The following SUCLG2 variants were observed in gnomAD, a reference collection of about 807,000 sequenced individuals.
SUCLG2 encodes the protein succinate--CoA ligase [GDP-forming] subunit beta, mitochondrial.
A neutral mutation model predicts 47.9 loss-of-function variants in SUCLG2; 42 were observed. That is an observed-to-expected ratio of 0.88 (90% confidence interval 0.69 to 1.14). The LOEUF (loss-of-function observed/expected upper bound fraction) is 1.14. Ranked by LOEUF, SUCLG2 falls within the 50% of genes most tolerant of loss-of-function variation. SUCLG2 has a pLI of 0.00. For synonymous variants in SUCLG2, 195 were observed against 197.3 expected, an observed-to-expected ratio of 0.99 and a Z score of 0.10; for missense variants, 571 against 525.9, an observed-to-expected ratio of 1.09 and a Z score of -0.84.
rs867442442 is a variant in SUCLG2 at position 67,508,987 on chromosome 3, G to T, written c.661-84C>A. 137 of 966,392 alleles carry T rather than the reference G, an allele frequency of 1.4e-4. 1 individual carries two copies. Among genetic ancestry groups the T allele is most frequent in the Middle Eastern group, 1.1e-3 (5 of 4,544 alleles). 59.9% of individuals were successfully genotyped at this position (966,392 alleles called of 1,614,324 possible). ...CTGGATTAATGAAACCTTAAAAATAGCAAGTTATGTCTTTATTTTCAGTTA... is the reference window on the plus strand; with the variant it reads ...CTGGATTAATGAAACCTTAAAAATATCAAGTTATGTCTTTATTTTCAGTTA... On this transcript the variant is annotated intron_variant, in intron 6 of 10. Transcript: ENST00000307227.
intron 6 of SUCLG2, among the ~76,000 whole-genome samples, chr3:67,511,383 C>T (rs1024056794): frequency 3.3e-5 from 5 of 152,142 alleles, no homozygotes; most frequent in African/African-American, 1.2e-4. Flanking sequence ...ATAATTCCCA[C>T]GTGTTGCAGG....
intron 2 of SUCLG2, among the ~76,000 whole-genome samples, chr3:67,577,504 A>C (rs1707773771): frequency 6.6e-6 from 1 of 152,216 alleles, no homozygotes; most frequent in Non-Finnish European, 1.5e-5. Context: ...ATGACACAGG[A>C]GGAGAGCTGA....
intron 9 of SUCLG2, among the ~76,000 whole-genome samples, chr3:67,483,239 A>G (rs1704965095): frequency 6.6e-6 from 1 of 152,162 alleles, no homozygotes; most frequent in African/African-American, 2.4e-5. Flanking sequence ...CAAAACTTAA[A>G]AAAAAAAAAT....
intron 10 of SUCLG2, among the ~76,000 whole-genome samples, chr3:67,399,730 T>A (rs1702640772): frequency 6.6e-6 from 1 of 152,194 alleles, no homozygotes; most frequent in South Asian, 2.1e-4. Context: ...TAAAACTCCC[T>A]TAATGTGTAA....
intron 1 of SUCLG2, among the ~76,000 whole-genome samples, chr3:67,631,797 T>C (rs1005711146): frequency 3.3e-5 from 5 of 152,212 alleles, no homozygotes; most frequent in African/African-American, 9.6e-5. Context: ...ACAAACCATG[T>C]CTCATGCATT....
intron 1 of SUCLG2, among the ~76,000 whole-genome samples, chr3:67,611,055 C>T (rs996382862): frequency 6.6e-6 from 1 of 152,130 alleles, no homozygotes; most frequent in Non-Finnish European, 1.5e-5. Flanking sequence ...CTTTTGTCTC[C>T]TGATATGGAC....
chr3:67,534,786 A>T (rs1706495680), intron 2 of SUCLG2, among the ~76,000 whole-genome samples: 1 of 148,688 alleles, frequency 6.7e-6, no homozygotes, highest in Non-Finnish European at 1.5e-5. Context: ...AAAAAAAAAA[A>T]AAAAAAAAAA....
chr3:67,442,256 C>T (rs933783842), intron 9 of SUCLG2, among the ~76,000 whole-genome samples: 3 of 152,180 alleles, frequency 2.0e-5, no homozygotes, highest in African/African-American at 2.4e-5. Flanking sequence ...GTGATCCGCC[C>T]GCCTCGGCCT....
At chr3:67,387,545 C>T (rs1162817549) in intron 10 of SUCLG2, among the ~76,000 whole-genome samples, 2 of 152,136 alleles carry the variant, frequency 1.3e-5, no homozygotes, top group Admixed American at 6.5e-5. Context: ...TCATACATTT[C>T]GAGAAAAGCT....
intron 10 of SUCLG2, among the ~76,000 whole-genome samples, chr3:67,396,567 A>T (rs1356731891): frequency 6.6e-6 from 1 of 152,190 alleles, no homozygotes; most frequent in Non-Finnish European, 1.5e-5. Flanking sequence ...GACCAGATGG[A>T]TTCACAGCCG....
At chr3:67,392,316 T>C (rs933421970) in intron 10 of SUCLG2, among the ~76,000 whole-genome samples, 22 of 152,168 alleles carry the variant, frequency 1.4e-4, no homozygotes, top group Non-Finnish European at 2.5e-4. Flanking sequence ...TTCTTCATCA[T>C]CAGCTTAAAC....
rs1707664819 is a variant in SUCLG2 at position 67,573,330 on chromosome 3, T to A, written c.226+36125A>T. On this transcript the variant is annotated intron_variant, in intron 2 of 10. Transcript: ENST00000307227. ...GCAGATCCTAAAATGTATACAGAAA[T>A]GCAAAACACCTAGAATTGCCAAAAC... Among the ~76,000 whole-genome samples the A allele has an allele frequency of 2.0e-5, 3 of 152,054 alleles. 1 individual carries two copies. The highest frequency in any genetic ancestry group is 1.3e-4 in the Admixed American group (2 of 15,264).
chr3:67,481,167 T>C (rs908726279), intron 9 of SUCLG2, among the ~76,000 whole-genome samples: 1 of 152,232 alleles, frequency 6.6e-6, no homozygotes. Context: ...TACTAAAAAA[T>C]TGATATTCCT....
chr3:67,589,967 AC>A (rs1559585699), intron 2 of SUCLG2, among the ~76,000 whole-genome samples: 4 of 151,680 alleles, frequency 2.6e-5, no homozygotes, highest in Admixed American at 1.3e-4. Context: ...ACTTTAGTCT[AC>A]TTGATACAGC....
chr3:67,467,953 T>C (rs1704513812), intron 9 of SUCLG2, among the ~76,000 whole-genome samples: 1 of 152,102 alleles, frequency 6.6e-6, no homozygotes, highest in African/African-American at 2.4e-5. Flanking sequence ...ATGCATGCTG[T>C]CGAGAAATGC....
intron 7 of SUCLG2, among the ~76,000 whole-genome samples, chr3:67,502,977 G>C (rs1705539502): frequency 6.6e-6 from 1 of 152,182 alleles, no homozygotes; most frequent in Admixed American, 6.5e-5. Context: ...GATTGGTACA[G>C]AATAGCTCCA....
chr3:67,483,721 A>T (rs935018357), intron 9 of SUCLG2, among the ~76,000 whole-genome samples: 2 of 152,166 alleles, frequency 1.3e-5, no homozygotes, highest in African/African-American at 4.8e-5. Flanking sequence ...CTTTTAATCC[A>T]GTTTAGTCAT....
chr3:67,545,218 T>G (rs1217618703), intron 2 of SUCLG2, among the ~76,000 whole-genome samples: 1 of 152,184 alleles, frequency 6.6e-6, no homozygotes, highest in Non-Finnish European at 1.5e-5. Context: ...TAATTCCAAA[T>G]GCTAGAGATA....
intron 2 of SUCLG2, among the ~76,000 whole-genome samples, chr3:67,587,015 C>T (rs1445292015): frequency 1.3e-5 from 2 of 152,102 alleles, no homozygotes; most frequent in African/African-American, 2.4e-5. Context: ...TTAATGTATC[C>T]AGTCTTGAAC....
Sources: allele counts gnomAD v4.1 joint callset (sites outside exome capture counted in the v4.1 genomes callset), GRCh38; gene constraint gnomAD v4.1.1; transcripts MANE v1.5; gene names NCBI Gene and HGNC (gene_info 2026-07-23, HGNC 2026-07-21).